Variants in FSTL4 observed in about 807,000 individuals in gnomAD.
FSTL4 encodes the protein follistatin like 4, also known as follistatin-related protein 4.
FSTL4 carries 28 observed loss-of-function variants against 78.2 expected under a neutral mutation model. The ratio of observed to expected loss-of-function variants is 0.36; its 90% CI spans 0.27 to 0.49. The LOEUF is 0.49. FSTL4 is among the 20% of genes least tolerant of loss of function. The pLI is 0.98. For missense variants in FSTL4, 922 were observed against 1,084.9 expected (o/e 0.85, Z 2.11); for synonymous variants, 422 against 440.5 (o/e 0.96, Z 0.53).
intron 4 of FSTL4, among the ~76,000 whole-genome samples, chr5:133,376,343 G>A (rs1755435511): frequency 6.6e-6 from 1 of 152,176 alleles, no homozygotes. Flanking sequence ...AATAAATGGA[G>A]TTAGGGCAAA....
intron 3 of FSTL4, among the ~76,000 whole-genome samples, chr5:133,475,850 C>A (rs1359161388): frequency 8.5e-5 from 13 of 152,130 alleles, no homozygotes; most frequent in Non-Finnish European, 1.5e-5. Flanking sequence ...CGTGAGCCAC[C>A]TCTGCTACCC....
chr5:133,201,699 G>A (rs949407439), intron 15 of FSTL4, among the ~76,000 whole-genome samples: 1 of 152,194 alleles, frequency 6.6e-6, no homozygotes, highest in Non-Finnish European at 1.5e-5. Flanking sequence ...GGGCCACTGA[G>A]GGCATTAGGA....
chr5:133,537,819 G>C (rs573103458), intron 3 of FSTL4, among the ~76,000 whole-genome samples: 1,822 of 144,948 alleles, frequency 0.013, 33 homozygotes, highest in African/African-American at 0.044. Context: ...CACACACACA[G>C]AGACACACAC....
At chr5:133,285,047 T>C (rs1003368096) in intron 6 of FSTL4, among the ~76,000 whole-genome samples, 23 of 152,304 alleles carry the variant, frequency 1.5e-4, no homozygotes, top group African/African-American at 5.1e-4. Flanking sequence ...GGTGATGCTA[T>C]GGAAGCCCCA....
At chr5:133,203,727 C>T (rs963103318) in intron 14 of FSTL4, among the ~76,000 whole-genome samples, 3 of 152,182 alleles carry the variant, frequency 2.0e-5, no homozygotes, top group East Asian at 1.9e-4. Flanking sequence ...GCCATGCAAT[C>T]ATTGCTTGGT....
chr5:133,322,240 C>A (rs1754079691), intron 4 of FSTL4, among the ~76,000 whole-genome samples: 1 of 64,970 alleles, frequency 1.5e-5, no homozygotes, highest in East Asian at 4.4e-4. Context: ...CACACACACA[C>A]CCCCACACCC....
chr5:133,708,081 G>C, the FSTL4 span, among the ~76,000 whole-genome samples: 3 of 149,684 alleles, frequency 2.0e-5, no homozygotes, highest in African/African-American at 7.4e-5. Context: ...AAAGAAAAGA[G>C]GGAAGGAGGG....
intron 6 of FSTL4, among the ~76,000 whole-genome samples, chr5:133,296,796 C>T (rs542031901): frequency 3.9e-5 from 6 of 152,358 alleles, no homozygotes; most frequent in South Asian, 2.1e-4. Context: ...ATACAAGTTC[C>T]GTGAGGGCAA....
At chr5:133,535,765 T>A (rs246780) in intron 3 of FSTL4, among the ~76,000 whole-genome samples, 61,954 of 151,952 alleles carry the variant, frequency 0.41, 12,938 homozygotes, top group African/African-American at 0.49. Flanking sequence ...ACCCAGTCTA[T>A]GACATTTTGT....
intron 2 of FSTL4, among the ~76,000 whole-genome samples, chr5:133,579,664 C>A (rs1760360109): frequency 6.6e-6 from 1 of 152,172 alleles, no homozygotes. Context: ...TAACATCCAC[C>A]TGTTTAACAT....
chr5:133,504,285 T>C (rs1341347642), intron 3 of FSTL4, among the ~76,000 whole-genome samples: 3 of 152,120 alleles, frequency 2.0e-5, no homozygotes, highest in Non-Finnish European at 2.9e-5. Flanking sequence ...GAAGTATCCC[T>C]GAAGCTCCTT....
At chr5:133,438,109 G>A (rs1249180965) in intron 3 of FSTL4, among the ~76,000 whole-genome samples, 4 of 152,186 alleles carry the variant, frequency 2.6e-5, no homozygotes, top group African/African-American at 7.2e-5. Flanking sequence ...GGTGGAGCAT[G>A]ACTTGAAGTA....
chr5:133,380,172 G>A (rs1297479905), intron 4 of FSTL4, among the ~76,000 whole-genome samples: 1 of 151,870 alleles, frequency 6.6e-6, no homozygotes, highest in East Asian at 1.9e-4. Flanking sequence ...AGCAGGGCAA[G>A]CAAGTAGTAA....
At chr5:133,373,542 A>G (rs1481451487) in intron 4 of FSTL4, among the ~76,000 whole-genome samples, 1 of 152,250 alleles carries the variant, frequency 6.6e-6, no homozygotes, top group Admixed American at 6.5e-5. Flanking sequence ...CGGCAGCACC[A>G]ATGTGAAAAT....
At chr5:133,555,135 G>T (rs1260557508) in intron 3 of FSTL4, among the ~76,000 whole-genome samples, 1 of 152,176 alleles carries the variant, frequency 6.6e-6, no homozygotes, top group Non-Finnish European at 1.5e-5. Flanking sequence ...CCACAGACAG[G>T]TACTGTGAAA....
chr5:133,388,623 G>T (rs1755764597), intron 4 of FSTL4: 2 of 148,824 alleles, frequency 1.3e-5, no homozygotes, highest in African/African-American at 2.5e-5. Context: ...TTCTCTCTCT[G>T]GATATTTCAG....
chr5:133,412,318 A>C (rs1472197038), intron 3 of FSTL4, among the ~76,000 whole-genome samples: 1 of 152,174 alleles, frequency 6.6e-6, no homozygotes, highest in Non-Finnish European at 1.5e-5. Context: ...CAGTGACTGC[A>C]GATTTGGCAA....
At chr5:133,496,515 T>G (rs956049112) in intron 3 of FSTL4, among the ~76,000 whole-genome samples, 5 of 152,198 alleles carry the variant, frequency 3.3e-5, no homozygotes, top group African/African-American at 1.2e-4. Flanking sequence ...GGACCTGTGT[T>G]GTAGGCAAAG....
intron 3 of FSTL4, among the ~76,000 whole-genome samples, chr5:133,424,847 G>C (rs1756773159): frequency 1.3e-5 from 2 of 152,234 alleles, no homozygotes; most frequent in South Asian, 4.1e-4. Context: ...GAAGCCCATA[G>C]AGAGAAGCAC....
Sources: allele counts gnomAD v4.1 joint callset (sites outside exome capture counted in the v4.1 genomes callset), GRCh38; gene constraint gnomAD v4.1.1; transcripts MANE v1.5; gene names NCBI Gene and HGNC (gene_info 2026-07-23, HGNC 2026-07-21).